The following NCKAP1 variants were observed in gnomAD, a reference collection of about 807,000 sequenced individuals.
NCKAP1 encodes the protein NCK associated protein 1, also known as nck-associated protein 1.
NCKAP1 carries 21 observed loss-of-function variants against 151.2 expected under a neutral mutation model. The ratio of observed to expected loss-of-function variants is 0.14; its 90% confidence interval spans 0.10 to 0.20. The LOEUF (loss-of-function observed/expected upper bound fraction) is 0.20, where lower values mean the gene tolerates loss of function less well. NCKAP1 is among the 10% of genes least tolerant of loss of function. The pLI is 1.00. For missense variants in NCKAP1, 933 were observed against 1,352.1 expected (o/e 0.69, Z 4.86); for synonymous variants, 484 against 451.8 (o/e 1.07, Z -0.90).
At chr2:183,030,166 A>T (rs551298141) in intron 1 of NCKAP1, among the ~76,000 whole-genome samples, 1 of 152,288 alleles carries the variant, frequency 6.6e-6, no homozygotes, top group Non-Finnish European at 1.5e-5. Flanking sequence ...AGCAGTTGCT[A>T]TCACGGTAAA....
In NCKAP1 at chr2:182,909,597, T is replaced by C. The variant is rs184531434; in HGVS notation, c.*16105A>G. On this transcript the variant is annotated 3_prime_UTR_variant, in exon 31 of 31. Transcript: ENST00000361354. ...TATATCTCATTTGTTTTTTGATTCA[T>C]TTGTTGATGGACGCTCGGATTTACT... 5.9e-5 allele frequency: 9 copies of C among 152,352 alleles called. No individual in the cohort carries two copies. The highest frequency in any genetic ancestry group is 3.4e-3 in the Middle Eastern group (1 of 294). The allele number at this position is 152,352 out of a possible 1,614,324, so 9.4% of individuals were successfully genotyped here.
intron 2 of NCKAP1, among the ~76,000 whole-genome samples, chr2:183,005,755 C>A (rs1559103226): frequency 1.3e-5 from 2 of 152,270 alleles, no homozygotes; most frequent in South Asian, 2.1e-4. Context: ...TATTCACACA[C>A]TACATACGGT....
At chr2:182,937,432 T>C (rs970703974) in intron 24 of NCKAP1, among the ~76,000 whole-genome samples, 3 of 152,144 alleles carry the variant, frequency 2.0e-5, no homozygotes, top group African/African-American at 7.2e-5. Context: ...GAACAGAGGC[T>C]ATGTGGGTCT....
chr2:182,995,987 G>A, intron 6 of NCKAP1, 149 bp from the exon 7 acceptor site: 1 of 709,736 alleles, frequency 1.4e-6, no homozygotes, highest in African/African-American at 1.8e-5. Context: ...TCTGAGTTGG[G>A]TTGTGGCTCC....
chr2:182,957,532 G>C lies in NCKAP1; in HGVS notation c.1946C>G (p.Thr649Ser), dbSNP rs752240945. The stretch of plus-strand genomic sequence containing the variant: ...CCTTTCAGGTTCCCCTTTCTTACCA[G>C]TCTGCTTTTTTGATTTCTTATTCAC... Reference protein sequence around the residue: ...QAVNKKSKKQTGKKGEPEREK... With the variant: ...QAVNKKSKKQSGKKGEPEREK... Residue 649 changes from threonine (T) to serine (S), a missense_variant, in exon 19 of 31, where the codon ACT (threonine) becomes AGT (serine). Around this residue, in one of 2 missense-constraint regions of NCKAP1, gnomAD observed 607 missense variants for 795.0 expected, o/e 0.76. Coordinates refer to ENST00000361354, the MANE Select transcript of NCKAP1 (RefSeq NM_013436.5). The C allele has an allele frequency of 1.2e-6, 2 of 1,613,814 alleles. No individual in the cohort carries two copies. Among genetic ancestry groups the C allele is most frequent in the East Asian group, 2.2e-5 (1 of 44,818 alleles).
intron 1 of NCKAP1, among the ~76,000 whole-genome samples, chr2:183,037,207 T>C (rs1169536521): frequency 6.6e-6 from 1 of 152,210 alleles, no homozygotes; most frequent in South Asian, 2.1e-4. Flanking sequence ...GACTATGCTA[T>C]AAATCAGCAG....
At chr2:182,936,317 C>T (rs1696873555) in intron 24 of NCKAP1, among the ~76,000 whole-genome samples, 1 of 152,058 alleles carries the variant, frequency 6.6e-6, no homozygotes, top group South Asian at 2.1e-4. Context: ...TCAATACCTT[C>T]ACATTTTATA....
At chr2:182,967,684 C>T (rs551308801) in intron 15 of NCKAP1, among the ~76,000 whole-genome samples, 9 of 152,182 alleles carry the variant, frequency 5.9e-5, no homozygotes, top group East Asian at 1.9e-4. Context: ...AAGAAATCTT[C>T]GACCTAATTT....
At position 182,909,386 on chromosome 2, in the gene NCKAP1, A is replaced by G. The variant is rs1232116483; in HGVS notation, c.*16316T>C. On this transcript the variant is annotated 3_prime_UTR_variant, in exon 31 of 31. Coordinates refer to ENST00000361354, the MANE Select transcript of NCKAP1 (RefSeq NM_013436.5). ...CTCTCCTTGCCAGCCCCTGCCAACC[A>G]ACATTCTACTTTCTATCAATTTGAC... 1 of 152,118 alleles carries G rather than the reference A, an allele frequency of 6.6e-6. No homozygotes were observed. The highest frequency in any genetic ancestry group is 6.5e-5 in the Admixed American group (1 of 15,268). The allele number at this position is 152,118 out of a possible 1,614,324, so 9.4% of individuals were successfully genotyped here.
chr2:183,023,035 T>C (rs1698824865), intron 2 of NCKAP1: 1 of 152,138 alleles, frequency 6.6e-6, no homozygotes, highest in East Asian at 1.9e-4. Context: ...AGGAAATTTC[T>C]AAACTAAATT....
intron 2 of NCKAP1, among the ~76,000 whole-genome samples, chr2:183,007,163 GTACCCGGCCTCAA>G (rs1698493417): frequency 6.6e-6 from 1 of 152,168 alleles, no homozygotes; most frequent in Non-Finnish European, 1.5e-5. Flanking sequence ...ATGAGCCACT[GTACCCGGCCTCAA>G]TACGCTAATA....
intron 6 of NCKAP1, among the ~76,000 whole-genome samples, chr2:183,001,284 T>A (rs920469582): frequency 6.6e-6 from 1 of 152,180 alleles, no homozygotes; most frequent in African/African-American, 2.4e-5. Flanking sequence ...TGAGACTGGA[T>A]AAGATACCTA....
intron 1 of NCKAP1, among the ~76,000 whole-genome samples, chr2:183,025,223 C>T (rs746727629): frequency 5.1e-4 from 77 of 152,086 alleles, no homozygotes; most frequent in Non-Finnish European, 9.4e-4. Flanking sequence ...TGTACGTGTA[C>T]AATCAGGTCA....
At chr2:183,020,482 A>AAAAAAAAAG (rs1559109265) in intron 2 of NCKAP1, among the ~76,000 whole-genome samples, 20 of 125,062 alleles carry the variant, frequency 1.6e-4, no homozygotes, top group African/African-American at 5.2e-4. Flanking sequence ...AAAAAAAAAG[A>AAAAAAAAAG]AAAAAAAGAA....
chr2:183,008,509 C>G (rs1245322625), intron 2 of NCKAP1, among the ~76,000 whole-genome samples: 1 of 147,040 alleles, frequency 6.8e-6, no homozygotes, highest in Non-Finnish European at 1.5e-5. Context: ...GCTCCTCCAC[C>G]CTCACTCAGT....
rs1166522226 is a variant in NCKAP1, at chr2:183,003,311, T to C, written c.234A>G (p.Gln78=). 1.9e-6 allele frequency: 3 copies of C among 1,596,572 alleles called. No homozygotes were observed. The highest frequency in any genetic ancestry group is 2.6e-6 in the Non-Finnish European group (3 of 1,171,490). Residue 78 remains glutamine (Q), a synonymous_variant, in exon 3 of 31, where the codon CAA becomes CAG. Coordinates refer to ENST00000361354, the MANE Select transcript of NCKAP1 (RefSeq NM_013436.5). The part of the protein sequence containing the change: ...ETRNNNQQLA[Q]LQKEKSEILK... ...GAATCTCTGATTTTTCTTTCTGTAG[T>C]TGTGCAAGCTGTTGCTGTAAAAACA... is the stretch of plus-strand genomic sequence containing the variant.
intron 23 of NCKAP1, among the ~76,000 whole-genome samples, chr2:182,947,747 G>A (rs1460019922): frequency 3.4e-5 from 5 of 149,032 alleles, no homozygotes; most frequent in Non-Finnish European, 7.4e-5. Context: ...TTTATAGGAC[G>A]CTAAAAAAAT....
chr2:183,037,334 G>A (rs1699122357), intron 1 of NCKAP1, among the ~76,000 whole-genome samples: 1 of 152,138 alleles, frequency 6.6e-6, no homozygotes, highest in South Asian at 2.1e-4. Flanking sequence ...TGTTATTCCA[G>A]TTCTAGTGAC....
At position 182,975,181 on chromosome 2, in the gene NCKAP1, T is replaced by C. The variant is rs1449167637; in HGVS notation, c.1482+1712A>G. Among the ~76,000 whole-genome samples, 4 of 152,214 alleles carry C rather than the reference T, an allele frequency of 2.6e-5. No homozygotes were observed. In the East Asian group the frequency reaches 5.8e-4, roughly 22 times the overall value. ...CTTTTTTTTACAAGTTCTACTTTTG[T>C]ATTGTTTCATTGCCTTTTTAAAAAC... is the stretch of plus-strand genomic sequence containing the variant. On this transcript the variant is annotated intron_variant, in intron 15 of 30. Transcript: ENST00000361354.
Sources: allele counts gnomAD v4.1 joint callset (sites outside exome capture counted in the v4.1 genomes callset), GRCh38; gene constraint gnomAD v4.1.1; regional missense constraint gnomAD v4.1.1; transcripts MANE v1.5; gene names NCBI Gene and HGNC (gene_info 2026-07-23, HGNC 2026-07-21).